Variants in CTNND2 observed in about 807,000 individuals in gnomAD.
CTNND2 encodes the protein catenin delta-2.
A neutral mutation model predicts 144.4 loss-of-function variants in CTNND2; 22 were observed. The ratio of observed to expected loss-of-function variants is 0.15; its 90% CI spans 0.11 to 0.22. The LOEUF (loss-of-function observed/expected upper bound fraction) is 0.22, where lower values mean the gene tolerates loss of function less well. Ranked by LOEUF, CTNND2 falls within the 10% of genes least tolerant of loss-of-function variation. The pLI is 1.00. For synonymous variants in CTNND2, 751 were observed against 695.6 expected, an observed-to-expected ratio of 1.08 and a Z score of -1.25; for missense variants, 1,353 against 1,618.8, an observed-to-expected ratio of 0.84 and a Z score of 2.82.
chr5:11,883,229 T>C (rs1294684058), intron 1 of CTNND2, among the ~76,000 whole-genome samples: 1 of 152,174 alleles, frequency 6.6e-6, no homozygotes, highest in Non-Finnish European at 1.5e-5. Flanking sequence ...ATGTGCAGAA[T>C]GTGCAGGTTA....
At chr5:11,646,248 G>A (rs1349390085) in intron 2 of CTNND2, among the ~76,000 whole-genome samples, 1 of 152,110 alleles carries the variant, frequency 6.6e-6, no homozygotes, top group African/African-American at 2.4e-5. Context: ...TGTGCTTAGA[G>A]TCTTATGTGT....
At chr5:11,075,487 G>A (rs10513065) in intron 16 of CTNND2, among the ~76,000 whole-genome samples, 10,873 of 152,288 alleles carry the variant, frequency 0.071, 684 homozygotes, top group African/African-American at 0.16. Context: ...AGAAGGATGA[G>A]GCCAAAGGAT....
chr5:11,303,874 G>A (rs985280947), intron 9 of CTNND2, among the ~76,000 whole-genome samples: 1 of 152,162 alleles, frequency 6.6e-6, no homozygotes, highest in Non-Finnish European at 1.5e-5. Flanking sequence ...TGTTGTGGGA[G>A]GGACCTGGTG....
At position 11,387,565 on chromosome 5, in the gene CTNND2, C is replaced by T. The variant is rs61749836; in HGVS notation, c.613-2336G>A. On this transcript the variant is annotated intron_variant, in intron 6 of 21. Coordinates refer to ENST00000304623, the MANE Select transcript of CTNND2 (RefSeq NM_001332.4). ...AACTGGGGCCTGAGCAACACTCAGC[C>T]ATGCAGAACACAGCTGGCAAGTGAT... Among the ~76,000 whole-genome samples the T allele has an allele frequency of 3.3e-3, 499 of 152,260 alleles. 3 individuals are homozygous for T. Among genetic ancestry groups the T allele is most frequent in the South Asian group, 0.02 (97 of 4,812 alleles).
chr5:11,052,538 A>G lies in CTNND2; in HGVS notation c.2789-29559T>C, dbSNP rs1209483519. ...CAAAAGACAGTTTGTGCCCTAAGAC[A>G]TACTGAATTCCTGTTTCTACCAATC... is the stretch of plus-strand genomic sequence containing the variant. On this transcript the variant is annotated intron_variant, in intron 16 of 21. Transcript: ENST00000304623. Among the ~76,000 whole-genome samples, 9 of 152,280 alleles carry G rather than the reference A, an allele frequency of 5.9e-5. No homozygotes were observed. In the East Asian group the frequency reaches 1.7e-3, roughly 29 times the overall value.
rs1370670726 is a variant in CTNND2, at chr5:11,185,412, G to A, written c.1975+14036C>T. On this transcript the variant is annotated intron_variant, in intron 11 of 21. Transcript: ENST00000304623. The stretch of plus-strand genomic sequence containing the variant: ...GCTCAGGCATCTATTGTGAACTGGA[G>A]AAGAAAGAAGGAAGACAAGAAGGTC... Among the ~76,000 whole-genome samples the A allele has an allele frequency of 2.0e-5, 3 of 152,312 alleles. No individual in the cohort carries two copies. The East Asian group carries it at 5.8e-4, about 29-fold the overall frequency.
At chr5:11,035,192 T>C (rs1743937759) in intron 16 of CTNND2, among the ~76,000 whole-genome samples, 1 of 152,150 alleles carries the variant, frequency 6.6e-6, no homozygotes, top group Non-Finnish European at 1.5e-5. Flanking sequence ...ACATTTATTA[T>C]TTCACAGTTC....
At chr5:11,514,283 T>A (rs1771943725) in intron 3 of CTNND2, among the ~76,000 whole-genome samples, 1 of 152,164 alleles carries the variant, frequency 6.6e-6, no homozygotes, top group Non-Finnish European at 1.5e-5. Context: ...ATGCACTATA[T>A]AAATAAAGAT....
chr5:11,643,971 AT>A (rs1782210097), intron 2 of CTNND2, among the ~76,000 whole-genome samples: 1 of 152,196 alleles, frequency 6.6e-6, no homozygotes, highest in African/African-American at 2.4e-5. Context: ...AGGAGAAGAA[AT>A]GTTAAAAAAA....
chr5:11,288,599 T>C (rs1311439), intron 9 of CTNND2, among the ~76,000 whole-genome samples: 44,751 of 151,848 alleles, frequency 0.29, 6,792 homozygotes, highest in Middle Eastern at 0.37. Context: ...GACAAACTAA[T>C]GGGGGAAGCA....
chr5:11,008,277 A>C (rs1740697998), intron 18 of CTNND2, among the ~76,000 whole-genome samples: 1 of 152,206 alleles, frequency 6.6e-6, no homozygotes, highest in African/African-American at 2.4e-5. Context: ...GATGTGATGA[A>C]GTTAAAGACC....
At chr5:11,718,840 TC>T (rs1471124182) in intron 2 of CTNND2, among the ~76,000 whole-genome samples, 1 of 152,164 alleles carries the variant, frequency 6.6e-6, no homozygotes, top group Non-Finnish European at 1.5e-5. Context: ...CTCTCCTCTC[TC>T]CATATTTCCT....
intron 8 of CTNND2, among the ~76,000 whole-genome samples, chr5:11,363,043 AT>A (rs746794378): frequency 8.5e-5 from 13 of 152,188 alleles, no homozygotes; most frequent in Non-Finnish European, 1.3e-4. Flanking sequence ...TCATCTTTTG[AT>A]TTTTCCCCCC....
rs1772608638 is a variant in CTNND2 at position 11,520,300 on chromosome 5, C to T, written c.287+44644G>A. On this transcript the variant is annotated intron_variant, in intron 3 of 21. Coordinates refer to ENST00000304623, the MANE Select transcript of CTNND2 (RefSeq NM_001332.4). ...AGGCCAACTGCCCCTCAATGGTTGACTCCAAGTTATTATCACAGCCCTGCC... is the reference window on the plus strand; with the variant it reads ...AGGCCAACTGCCCCTCAATGGTTGATTCCAAGTTATTATCACAGCCCTGCC... Among the ~76,000 whole-genome samples, 7 of 152,178 alleles carry T rather than the reference C, an allele frequency of 4.6e-5. No homozygotes were observed. In the South Asian group the frequency reaches 1.4e-3, roughly 32 times the overall value.
chr5:11,046,874 C>T (rs1167280430), intron 16 of CTNND2, among the ~76,000 whole-genome samples: 1 of 152,178 alleles, frequency 6.6e-6, no homozygotes, highest in Non-Finnish European at 1.5e-5. Flanking sequence ...AAACAGGCTT[C>T]AAGCTCCCTG....
intron 3 of CTNND2, among the ~76,000 whole-genome samples, chr5:11,535,187 TAAA>T (rs11398798): frequency 2.2e-5 from 3 of 133,708 alleles, no homozygotes; most frequent in Non-Finnish European, 3.3e-5. Flanking sequence ...TACTCTGTCT[TAAA>T]AAAAAAAAAA....
intron 2 of CTNND2, among the ~76,000 whole-genome samples, chr5:11,698,895 T>C (rs1785264024): frequency 6.6e-6 from 1 of 151,180 alleles, no homozygotes. Context: ...AAATTGTAAA[T>C]ATATATTATA....
chr5:11,427,838 C>G (rs1762925075), intron 3 of CTNND2, among the ~76,000 whole-genome samples: 1 of 152,172 alleles, frequency 6.6e-6, no homozygotes, highest in South Asian at 2.1e-4. Flanking sequence ...AAGAAATCCA[C>G]AACCTTTTAT....
chr5:11,664,263 G>A (rs1334366471), intron 2 of CTNND2, among the ~76,000 whole-genome samples: 1 of 152,110 alleles, frequency 6.6e-6, no homozygotes, highest in Non-Finnish European at 1.5e-5. Flanking sequence ...CAAACATTAA[G>A]AGTTTTCAGG....
Sources: allele counts gnomAD v4.1 joint callset (sites outside exome capture counted in the v4.1 genomes callset), GRCh38; gene constraint gnomAD v4.1.1; transcripts MANE v1.5; gene names NCBI Gene and HGNC (gene_info 2026-07-23, HGNC 2026-07-21).